PHF24: variants seen among roughly 807,000 people sequenced by gnomAD.
PHF24 encodes the protein PHD finger protein 24.
PHF24 carries 25 observed loss-of-function variants against 42.6 expected under a neutral mutation model. That is an observed-to-expected ratio of 0.59 (90% confidence interval 0.43 to 0.82). The LOEUF (loss-of-function observed/expected upper bound fraction) is 0.82, where lower values mean the gene tolerates loss of function less well. Among genes scored for constraint, PHF24 ranks in the 40% least tolerant of loss-of-function variants. The pLI, the probability that PHF24 is intolerant of heterozygous loss-of-function variation, is 0.00. For missense variants in PHF24, 470 were observed against 538.1 expected, an observed-to-expected ratio of 0.87 and a Z score of 1.25; for synonymous variants, 185 against 204.8, an observed-to-expected ratio of 0.90 and a Z score of 0.83.
chr9:34,709,729 C>T, the PHF24 span: 101 of 1,613,540 alleles, frequency 6.3e-5, no homozygotes, highest in Non-Finnish European at 8.4e-5. Flanking sequence ...CCACCATGCC[C>T]TCCCCACCCC....
chr9:34,846,351 G>A, the PHF24 span, among the ~76,000 whole-genome samples: 1 of 151,710 alleles, frequency 6.6e-6, no homozygotes, highest in Non-Finnish European at 1.5e-5. Flanking sequence ...GATGGCCAGT[G>A]ATGGTGAGCA....
At chr9:34,909,747 G>T in the PHF24 span, among the ~76,000 whole-genome samples, 5 of 150,872 alleles carry the variant, frequency 3.3e-5, no homozygotes, top group African/African-American at 1.2e-4. Context: ...TCAGCCTCCC[G>T]AGTAGCTGGG....
the PHF24 span, among the ~76,000 whole-genome samples, chr9:34,711,282 T>G: frequency 6.6e-6 from 1 of 151,880 alleles, no homozygotes; most frequent in Non-Finnish European, 1.5e-5. Flanking sequence ...GGTCTCGCTT[T>G]GTCACCCAGG....
At chr9:34,980,273 G>T (rs1418718298) in exon 8 of PHF24, 1 of 152,336 alleles carries the variant, frequency 6.6e-6, no homozygotes, top group Middle Eastern at 3.4e-3. Context: ...AGAGTTGGTG[G>T]GCCAGGTCAG....
chr9:34,771,757 C>T, the PHF24 span, among the ~76,000 whole-genome samples: 4 of 152,074 alleles, frequency 2.6e-5, no homozygotes, highest in Non-Finnish European at 4.4e-5. Context: ...AGAGAGAAAC[C>T]TAACAGCTGC....
chr9:34,673,091 C>CA, the PHF24 span, among the ~76,000 whole-genome samples: 8 of 152,204 alleles, frequency 5.3e-5, no homozygotes, highest in Non-Finnish European at 1.2e-4. Flanking sequence ...CATGGTGGCT[C>CA]ATGCCTGTAA....
At chr9:34,880,853 A>G in the PHF24 span, among the ~76,000 whole-genome samples, 38,507 of 152,034 alleles carry the variant, frequency 0.25, 5,194 homozygotes, top group African/African-American at 0.34. Flanking sequence ...TGCACCAAGC[A>G]GACCTAATAG....
the PHF24 span, among the ~76,000 whole-genome samples, chr9:34,853,418 GTTTTC>G: frequency 6.6e-6 from 1 of 152,122 alleles, no homozygotes; most frequent in Non-Finnish European, 1.5e-5. Context: ...TTGGCCTAAA[GTTTTC>G]TTTTTTTGTT....
At chr9:34,871,099 C>T in the PHF24 span, among the ~76,000 whole-genome samples, 21 of 152,314 alleles carry the variant, frequency 1.4e-4, no homozygotes, top group South Asian at 2.1e-4. Flanking sequence ...CACATCCTTG[C>T]CAGCATTTGC....
the PHF24 span, chr9:34,723,588 A>T: frequency 6.4e-7 from 1 of 1,551,756 alleles, no homozygotes; most frequent in Non-Finnish European, 8.7e-7. Context: ...TGCTGCAGAA[A>T]ACATTTAATT....
chr9:34,685,494 C>A, the PHF24 span, among the ~76,000 whole-genome samples: 1 of 152,172 alleles, frequency 6.6e-6, no homozygotes, highest in East Asian at 1.9e-4. Context: ...TGGCCACCAG[C>A]TTCCTCTCTT....
the PHF24 span, among the ~76,000 whole-genome samples, chr9:34,846,004 G>T: frequency 5.9e-5 from 9 of 152,000 alleles, no homozygotes; most frequent in Non-Finnish European, 1.2e-4. Context: ...TATCATTGTT[G>T]GACATATGGG....
chr9:34,874,779 C>A, the PHF24 span, among the ~76,000 whole-genome samples: 2 of 152,088 alleles, frequency 1.3e-5, no homozygotes, highest in Non-Finnish European at 2.9e-5. Flanking sequence ...ACCTTTCAAT[C>A]ACACAGACTC....
At chr9:34,796,607 T>G in the PHF24 span, among the ~76,000 whole-genome samples, 1 of 152,194 alleles carries the variant, frequency 6.6e-6, no homozygotes. Context: ...AAGAACAAGA[T>G]GTACAAGATC....
the PHF24 span, among the ~76,000 whole-genome samples, chr9:34,708,271 C>T: frequency 1.3e-5 from 2 of 151,848 alleles, no homozygotes; most frequent in Admixed American, 1.3e-4. Flanking sequence ...TCCTTGACTT[C>T]AAAGGGTTAA....
At chr9:34,774,955 T>A in the PHF24 span, among the ~76,000 whole-genome samples, 1 of 152,196 alleles carries the variant, frequency 6.6e-6, no homozygotes, top group Non-Finnish European at 1.5e-5. Context: ...GTGCATTGCA[T>A]CTGGAAATGT....
chr9:34,952,885 T>G (rs2132822856), upstream of PHF24, among the ~76,000 whole-genome samples: 1 of 152,364 alleles, frequency 6.6e-6, no homozygotes, highest in South Asian at 2.1e-4. Flanking sequence ...GAAAGTCTTT[T>G]CAACAAAGTG....
the PHF24 span, among the ~76,000 whole-genome samples, chr9:34,921,123 G>T: frequency 6.6e-6 from 1 of 151,432 alleles, no homozygotes; most frequent in Non-Finnish European, 1.5e-5. Flanking sequence ...CTAGCTGTGG[G>T]TCTGTCATAT....
At chr9:34,730,135 G>A in the PHF24 span, among the ~76,000 whole-genome samples, 1 of 152,320 alleles carries the variant, frequency 6.6e-6, no homozygotes, top group East Asian at 1.9e-4. Flanking sequence ...GTTAGTGGCC[G>A]CTTCTGACTG....
Sources: allele counts gnomAD v4.1 joint callset (sites outside exome capture counted in the v4.1 genomes callset), GRCh38; gene constraint gnomAD v4.1.1; transcripts MANE v1.5; gene names NCBI Gene and HGNC (gene_info 2026-07-23, HGNC 2026-07-21).